ANKS1B: variants seen among roughly 807,000 people sequenced by gnomAD.
The protein encoded by ANKS1B is ankyrin repeat and sterile alpha motif domain-containing protein 1B.
A neutral mutation model predicts 148.3 loss-of-function variants in ANKS1B; 36 were observed. The observed-to-expected ratio is 0.24, with a 90% confidence interval of 0.19 to 0.32. ANKS1B has a LOEUF of 0.32. Ranked by LOEUF, ANKS1B falls within the 10% of genes least tolerant of loss-of-function variation. The probability of loss-of-function intolerance (pLI) is 1.00; values close to 1 mark genes in which losing one functional copy is unlikely to be tolerated. For synonymous variants in ANKS1B, 542 were observed against 560.8 expected, an observed-to-expected ratio of 0.97 and a Z score of 0.47; for missense variants, 1,157 against 1,542.6, an observed-to-expected ratio of 0.75 and a Z score of 4.19.
At chr12:99,634,306 TGA>T (rs567931402) in intron 9 of ANKS1B, among the ~76,000 whole-genome samples, 14 of 152,196 alleles carry the variant, frequency 9.2e-5, no homozygotes, top group Admixed American at 9.2e-4. Flanking sequence ...AAGAGAGACC[TGA>T]GAGAGCACAT....
intron 11 of ANKS1B, among the ~76,000 whole-genome samples, chr12:99,401,253 T>G (rs1291067578): frequency 6.8e-6 from 1 of 146,232 alleles, no homozygotes; most frequent in Non-Finnish European, 1.5e-5. Context: ...TCCTTGGGAC[T>G]GCTGAATCTC....
At chr12:99,425,590 G>A (rs1280053488) in intron 11 of ANKS1B, among the ~76,000 whole-genome samples, 1 of 151,860 alleles carries the variant, frequency 6.6e-6, no homozygotes, top group Non-Finnish European at 1.5e-5. Context: ...CATTTGCTAA[G>A]CACAGGATAT....
intron 1 of ANKS1B, among the ~76,000 whole-genome samples, chr12:99,864,966 C>G (rs1212817501): frequency 6.6e-6 from 1 of 152,208 alleles, no homozygotes; most frequent in Non-Finnish European, 1.5e-5. Flanking sequence ...GGTGACCTCA[C>G]AGTTTATGCC....
intron 14 of ANKS1B, among the ~76,000 whole-genome samples, chr12:99,222,291 A>G (rs1412307374): frequency 6.6e-6 from 1 of 152,180 alleles, no homozygotes; most frequent in African/African-American, 2.4e-5. Context: ...TTCACTAAAC[A>G]TTGTATAAAC....
intron 17 of ANKS1B, among the ~76,000 whole-genome samples, chr12:98,883,981 C>T (rs572200666): frequency 6.6e-6 from 1 of 151,856 alleles, no homozygotes; most frequent in African/African-American, 2.4e-5. Context: ...CTTCTATGAG[C>T]CAAAGCTGTA....
At chr12:99,579,623 GAAATGCAAATC>G (rs1225317278) in intron 9 of ANKS1B, among the ~76,000 whole-genome samples, 1 of 152,144 alleles carries the variant, frequency 6.6e-6, no homozygotes, top group Non-Finnish European at 1.5e-5. Flanking sequence ...AATCATCAGA[GAAATGCAAATC>G]AAAACCACAC....
chr12:98,736,763 A>G (rs1188642396), intron 9 of ANKS1B, among the ~76,000 whole-genome samples: 4 of 152,316 alleles, frequency 2.6e-5, no homozygotes, highest in African/African-American at 9.6e-5. Flanking sequence ...AGAGTTGCAA[A>G]TTAGTGTGGT....
intron 19 of ANKS1B, among the ~76,000 whole-genome samples, chr12:98,824,576 TA>T (rs2099231883): frequency 6.6e-6 from 1 of 152,166 alleles, no homozygotes; most frequent in Non-Finnish European, 1.5e-5. Context: ...ATCCACATTT[TA>T]AAGACAAAAA....
chr12:99,849,361 A>G (rs748021788), intron 1 of ANKS1B, among the ~76,000 whole-genome samples: 1 of 152,142 alleles, frequency 6.6e-6, no homozygotes, highest in Non-Finnish European at 1.5e-5. Flanking sequence ...AGACACCACT[A>G]CATATCCACC....
intron 10 of ANKS1B, among the ~76,000 whole-genome samples, chr12:99,458,443 A>G (rs2095883008): frequency 6.8e-6 from 1 of 148,038 alleles, no homozygotes; most frequent in Non-Finnish European, 1.5e-5. Flanking sequence ...TGAAATTGAA[A>G]AAAAAAAAAT....
intron 12 of ANKS1B, among the ~76,000 whole-genome samples, chr12:99,363,753 CCAACAAACCTTTATG>C (rs779458771): frequency 1.3e-5 from 2 of 152,252 alleles, no homozygotes; most frequent in East Asian, 1.9e-4. Flanking sequence ...AACTCTGAAT[CCAACAAACCTTTATG>C]CAACAAACCT....
At chr12:99,431,042 A>G (rs1036679456) in intron 11 of ANKS1B, among the ~76,000 whole-genome samples, 5 of 152,216 alleles carry the variant, frequency 3.3e-5, no homozygotes, top group African/African-American at 1.2e-4. Flanking sequence ...TGTCTAATAT[A>G]GTGCTTAATA....
At chr12:98,943,438 C>A (rs1186902953) in intron 17 of ANKS1B, among the ~76,000 whole-genome samples, 1 of 152,124 alleles carries the variant, frequency 6.6e-6, no homozygotes, top group Non-Finnish European at 1.5e-5. Context: ...CAGATATTTG[C>A]CCAGATCTTA....
At chr12:98,796,999 G>A (rs952632469) in intron 22 of ANKS1B, among the ~76,000 whole-genome samples, 7 of 152,108 alleles carry the variant, frequency 4.6e-5, no homozygotes, top group South Asian at 4.2e-4. Flanking sequence ...TTATCACACC[G>A]GAGTAGCTGG....
At chr12:99,697,044 T>C (rs1456942017) in intron 8 of ANKS1B, among the ~76,000 whole-genome samples, 1 of 152,238 alleles carries the variant, frequency 6.6e-6, no homozygotes, top group Non-Finnish European at 1.5e-5. Context: ...ACTACGCATC[T>C]ACCAGAATGA....
At chr12:98,880,223 C>T (rs1280211066) in intron 17 of ANKS1B, among the ~76,000 whole-genome samples, 1 of 152,024 alleles carries the variant, frequency 6.6e-6, no homozygotes, top group Non-Finnish European at 1.5e-5. Context: ...TTAGGATTAC[C>T]AAGTTTCTCT....
At chr12:99,388,493 A>T (rs2093956183) in intron 12 of ANKS1B, among the ~76,000 whole-genome samples, 1 of 152,216 alleles carries the variant, frequency 6.6e-6, no homozygotes, top group Admixed American at 6.5e-5. Flanking sequence ...TTGAGGCCAG[A>T]GCAGATGGAG....
chr12:98,764,961 TC>T (rs1395171384), intron 25 of ANKS1B, among the ~76,000 whole-genome samples: 1 of 152,232 alleles, frequency 6.6e-6, no homozygotes, highest in African/African-American at 2.4e-5. Flanking sequence ...TGGCAGGCAC[TC>T]TATCAATACA....
intron 12 of ANKS1B, among the ~76,000 whole-genome samples, chr12:99,281,756 C>A (rs2078489142): frequency 6.6e-6 from 1 of 152,186 alleles, no homozygotes; most frequent in Non-Finnish European, 1.5e-5. Flanking sequence ...CTAGGAGGAA[C>A]ATGGGCTTTG....
Sources: allele counts gnomAD v4.1 joint callset (sites outside exome capture counted in the v4.1 genomes callset), GRCh38; gene constraint gnomAD v4.1.1; transcripts MANE v1.5; gene names NCBI Gene and HGNC (gene_info 2026-07-23, HGNC 2026-07-21).